GRID2: variants seen among roughly 807,000 people sequenced by gnomAD.
GRID2 encodes glutamate ionotropic receptor delta type subunit 2.
Under a neutral mutation model 114.8 loss-of-function variants are expected in GRID2, and 33 were observed. The ratio of observed to expected loss-of-function variants is 0.29; its 90% CI spans 0.22 to 0.38. GRID2 has a LOEUF of 0.38. GRID2 is among the 10% of genes least tolerant of loss of function. GRID2 has a pLI of 1.00. For missense variants in GRID2, 1,184 were observed against 1,257.7 expected (o/e 0.94, Z 0.89); for synonymous variants, 505 against 449.9 (o/e 1.12, Z -1.55).
intron 1 of GRID2, among the ~76,000 whole-genome samples, chr4:92,313,121 G>A (rs6830966): frequency 0.11 from 15,610 of 136,634 alleles, 2,054 homozygotes; most frequent in African/African-American, 0.32. Context: ...GTGTGTGTGT[G>A]TATATGAGAT....
At chr4:92,614,816 A>G (rs547021318) in intron 2 of GRID2, among the ~76,000 whole-genome samples, 1 of 151,744 alleles carries the variant, frequency 6.6e-6, no homozygotes, top group South Asian at 2.1e-4. Flanking sequence ...TTATTATTGA[A>G]TTCCCTAGTC....
intron 1 of GRID2, among the ~76,000 whole-genome samples, chr4:92,549,429 A>G (rs1013517476): frequency 3.3e-5 from 5 of 152,092 alleles, no homozygotes; most frequent in African/African-American, 1.2e-4. Context: ...TTCTTCACTC[A>G]TTGGATGAGT....
intron 2 of GRID2, among the ~76,000 whole-genome samples, chr4:92,803,177 G>GA (rs112573300): frequency 6.0e-5 from 9 of 151,126 alleles, no homozygotes; most frequent in Non-Finnish European, 1.2e-4. Flanking sequence ...TGAAGTAGAA[G>GA]AAAAAAAATA....
In GRID2 at chr4:93,356,506, AT is replaced by A. The variant is rs561261214; in HGVS notation, c.1246-39094del. 6.0e-5 allele frequency among the ~76,000 whole-genome samples: 9 copies of A among 151,142 alleles called. 1 individual carries two copies. The highest frequency in any genetic ancestry group is 1.3e-4 in the Non-Finnish European group (9 of 67,660). On this transcript the variant is annotated intron_variant, in intron 8 of 15. Transcript: ENST00000282020. Reference sequence around the variant, plus strand: ...TTCATTTATGGAAAATGCTTTTATGATTTTTTTCTAAGTTACTGAATTGAAT... The same window carrying A: ...TTCATTTATGGAAAATGCTTTTATGATTTTTTCTAAGTTACTGAATTGAAT...
chr4:93,455,637 A>T (rs753217555), intron 10 of GRID2, 25 bp from the exon 11 acceptor site: 1 of 1,523,242 alleles, frequency 6.6e-7, no homozygotes, highest in South Asian at 1.1e-5. Context: ...CTGTTAATGT[A>T]TTCCTTTCTC....
intron 2 of GRID2, among the ~76,000 whole-genome samples, chr4:92,695,572 TG>T (rs1362617200): frequency 1.3e-5 from 2 of 152,042 alleles, no homozygotes; most frequent in South Asian, 2.1e-4. Context: ...ATTTAGTGTG[TG>T]ATAATGTGAA....
chr4:93,590,221 T>G (rs1367762207), intron 13 of GRID2, among the ~76,000 whole-genome samples: 1 of 150,550 alleles, frequency 6.6e-6, no homozygotes, highest in Non-Finnish European at 1.5e-5. Context: ...CATCTTGAAC[T>G]GATTTTTGTA....
chr4:93,160,753 CTCATAAGTAAATTGATATTAGTGTGGA>C (rs1235317856), intron 4 of GRID2, among the ~76,000 whole-genome samples: 1 of 151,720 alleles, frequency 6.6e-6, no homozygotes, highest in African/African-American at 2.4e-5. Context: ...AAATTGTGGG[CTCATAAGTAAATTGATATTAGTGTGGA>C]TCATAAGCCA....
intron 2 of GRID2, among the ~76,000 whole-genome samples, chr4:92,693,336 G>A (rs1398519361): frequency 1.3e-5 from 2 of 152,050 alleles, no homozygotes; most frequent in Non-Finnish European, 2.9e-5. Context: ...TAGAACTGTA[G>A]TGATTTCTAA....
At chr4:93,271,493 G>T (rs1490534044) in intron 8 of GRID2, among the ~76,000 whole-genome samples, 6 of 152,142 alleles carry the variant, frequency 3.9e-5, no homozygotes, top group Non-Finnish European at 8.8e-5. Context: ...GAGAGAAAAA[G>T]TCAACTATAT....
intron 2 of GRID2, among the ~76,000 whole-genome samples, chr4:92,701,671 GAAT>G (rs1396764117): frequency 1.3e-5 from 2 of 151,566 alleles, no homozygotes; most frequent in Non-Finnish European, 2.9e-5. Flanking sequence ...ACCATATAAA[GAAT>G]AAAAAAAGCC....
chr4:92,794,128 A>AT (rs1739731417), intron 2 of GRID2, among the ~76,000 whole-genome samples: 1 of 151,778 alleles, frequency 6.6e-6, no homozygotes, highest in Non-Finnish European at 1.5e-5. Flanking sequence ...TCTTTATTTT[A>AT]TTTTTTTGAG....
At chr4:93,523,277 A>G (rs1324678801) in intron 13 of GRID2, among the ~76,000 whole-genome samples, 2 of 152,090 alleles carry the variant, frequency 1.3e-5, no homozygotes, top group Admixed American at 6.5e-5. Context: ...CAAAAAACAA[A>G]TGGAGGTTAT....
intron 1 of GRID2, among the ~76,000 whole-genome samples, chr4:92,472,840 T>G (rs1026203221): frequency 2.0e-5 from 3 of 152,142 alleles, no homozygotes; most frequent in African/African-American, 7.2e-5. Context: ...GTCGACTGTA[T>G]GATTTGCATG....
intron 8 of GRID2, among the ~76,000 whole-genome samples, chr4:93,367,941 C>T (rs1463318606): frequency 6.6e-6 from 1 of 151,924 alleles, no homozygotes; most frequent in Admixed American, 6.6e-5. Flanking sequence ...CAGGAGACAC[C>T]AGTGATTACA....
At chr4:93,771,696 G>A (rs1052052617) in intron 15 of GRID2, among the ~76,000 whole-genome samples, 3 of 152,106 alleles carry the variant, frequency 2.0e-5, no homozygotes, top group Admixed American at 6.6e-5. Context: ...TGAAAAGGGA[G>A]GAAGCATGTA....
exon 2 of GRID2, chr4:93,806,858 C>T (rs1735043415): frequency 6.6e-6 from 1 of 152,248 alleles, no homozygotes; most frequent in South Asian, 2.1e-4. Flanking sequence ...TGGGAGGACC[C>T]CTGGATGACC....
chr4:93,577,824 A>T (rs1210823999), intron 13 of GRID2, among the ~76,000 whole-genome samples: 2 of 152,214 alleles, frequency 1.3e-5, no homozygotes, highest in Admixed American at 1.3e-4. Flanking sequence ...GCCTAATATT[A>T]TTAGGAAGCA....
intron 8 of GRID2, among the ~76,000 whole-genome samples, chr4:93,333,278 T>A (rs998700544): frequency 3.3e-5 from 5 of 152,164 alleles, no homozygotes; most frequent in Non-Finnish European, 5.9e-5. Context: ...AGGTATAGAA[T>A]GAAGCTTGAG....
Sources: gnomAD v4.1 joint callset for allele counts (sites outside exome capture counted in the v4.1 genomes callset) on GRCh38, gnomAD v4.1.1 for gene constraint, MANE v1.5 for transcripts, NCBI Gene and HGNC (gene_info 2026-07-23, HGNC 2026-07-21) for gene names.